The following ZSCAN25 variants were observed in gnomAD, a reference collection of about 807,000 sequenced individuals.
ZSCAN25 encodes zinc finger and SCAN domain-containing protein 25.
ZSCAN25 carries 27 observed loss-of-function variants against 38.7 expected under a neutral mutation model. The observed-to-expected ratio is 0.70, with a 90% CI of 0.51 to 0.96. The LOEUF (loss-of-function observed/expected upper bound fraction) is 0.96, where lower values mean the gene tolerates loss of function less well. ZSCAN25 is among the 40% of genes least tolerant of loss of function. The pLI is 0.00. For synonymous variants in ZSCAN25, 273 were observed against 277.7 expected (o/e 0.98, Z 0.17); for missense variants, 637 against 705.9 (o/e 0.90, Z 1.11).
chr7:99,656,022 C>G, the ZSCAN25 span, among the ~76,000 whole-genome samples: 1 of 152,210 alleles, frequency 6.6e-6, no homozygotes, highest in Non-Finnish European at 1.5e-5. Flanking sequence ...ATGTCATCTG[C>G]AAACAGGGAC....
chr7:99,714,368 C>T, the ZSCAN25 span, among the ~76,000 whole-genome samples: 1 of 152,140 alleles, frequency 6.6e-6, no homozygotes, highest in South Asian at 2.1e-4. Flanking sequence ...CTGACTCATT[C>T]TCATATCTCC....
intron 7 of ZSCAN25, among the ~76,000 whole-genome samples, chr7:99,625,454 T>C (rs757448514): frequency 6.6e-6 from 1 of 152,140 alleles, no homozygotes; most frequent in Non-Finnish European, 1.5e-5. Context: ...GCCATGTGCA[T>C]GTAATAGTGG....
chr7:99,666,492 G>C, the ZSCAN25 span: 1 of 1,225,486 alleles, frequency 8.2e-7, no homozygotes, highest in South Asian at 1.2e-5. Flanking sequence ...GCGCTGCCCT[G>C]CTTTTGTCTG....
At chr7:99,704,818 C>T in the ZSCAN25 span, among the ~76,000 whole-genome samples, 2 of 151,956 alleles carry the variant, frequency 1.3e-5, no homozygotes, top group Admixed American at 6.5e-5. Flanking sequence ...AAAAATTAGC[C>T]GGGCGTGGTG....
the ZSCAN25 span, among the ~76,000 whole-genome samples, chr7:99,692,500 G>T: frequency 6.6e-6 from 1 of 152,086 alleles, no homozygotes; most frequent in African/African-American, 2.4e-5. Context: ...TTTCTGACTT[G>T]GTTCCATTCT....
the ZSCAN25 span, chr7:99,730,973 C>T: frequency 2.6e-6 from 4 of 1,542,352 alleles, no homozygotes; most frequent in Non-Finnish European, 3.6e-6. Context: ...TCAGACCTTC[C>T]TCTTGAGGAG....
the ZSCAN25 span, among the ~76,000 whole-genome samples, chr7:99,656,132 G>A: frequency 6.6e-6 from 1 of 152,222 alleles, no homozygotes; most frequent in African/African-American, 2.4e-5. Flanking sequence ...TAGGAGTGGT[G>A]AGAGAGGGCA....
the ZSCAN25 span, among the ~76,000 whole-genome samples, chr7:99,686,057 G>A: frequency 6.6e-5 from 10 of 152,256 alleles, no homozygotes; most frequent in South Asian, 2.1e-4. Context: ...GAACAGCTCC[G>A]GTCTACAGCT....
the ZSCAN25 span, among the ~76,000 whole-genome samples, chr7:99,654,446 G>A: frequency 6.6e-6 from 1 of 152,200 alleles, no homozygotes; most frequent in Non-Finnish European, 1.5e-5. Context: ...ATTCCATGGT[G>A]TATATGTGCC....
the ZSCAN25 span, chr7:99,707,948 A>G: frequency 1.2e-6 from 2 of 1,613,802 alleles, no homozygotes; most frequent in African/African-American, 1.3e-5. Flanking sequence ...GTAAGGATCT[A>G]TGTTGTCCTT....
chr7:99,624,125 C>G lies in ZSCAN25; in HGVS notation c.750C>G (p.Ala250=). The change falls in exon 7 of 8, where the codon GCC becomes GCG. Residue 250 remains alanine, a synonymous_variant. Transcript: ENST00000394152. ...AGGAGTGGAGGCATGTGACCCCAGC[C>G]CAGATAGACTGCTTTGGGGAGTATG... ...PEEEWRHVTP[A]QIDCFGEYVE... is the part of the protein sequence containing the mutation. The G allele has an allele frequency of 6.2e-7, 1 of 1,614,090 alleles. No individual in the cohort carries two copies. Among genetic ancestry groups the G allele is most frequent in the Non-Finnish European group, 8.5e-7 (1 of 1,180,004 alleles).
the ZSCAN25 span, chr7:99,652,607 G>A: frequency 6.2e-7 from 1 of 1,614,018 alleles, no homozygotes; most frequent in Non-Finnish European, 8.5e-7. Context: ...ATGGTGAAGA[G>A]CATAAGTTGG....
chr7:99,643,772 C>A, the ZSCAN25 span, among the ~76,000 whole-genome samples: 1 of 151,336 alleles, frequency 6.6e-6, no homozygotes, highest in Non-Finnish European at 1.5e-5. Context: ...TTGCATTGCT[C>A]CCCCCTCTCA....
At chr7:99,710,663 G>A in the ZSCAN25 span, 1 of 1,611,628 alleles carries the variant, frequency 6.2e-7, no homozygotes, top group Non-Finnish European at 8.5e-7. Context: ...ATTCTCCTGG[G>A]AAGTGGTGAG....
the ZSCAN25 span, among the ~76,000 whole-genome samples, chr7:99,675,141 A>T: frequency 6.6e-6 from 1 of 152,242 alleles, no homozygotes; most frequent in Non-Finnish European, 1.5e-5. Flanking sequence ...GTGAATGAGA[A>T]AGTAGACTTC....
the ZSCAN25 span, among the ~76,000 whole-genome samples, chr7:99,667,615 TC>T: frequency 6.6e-6 from 1 of 152,204 alleles, no homozygotes; most frequent in African/African-American, 2.4e-5. Flanking sequence ...AATTTTTTAT[TC>T]CATAAATAGA....
chr7:99,707,789 A>G, the ZSCAN25 span: 4 of 1,613,480 alleles, frequency 2.5e-6, no homozygotes, highest in African/African-American at 2.7e-5. Context: ...ATAAAACATT[A>G]TTAATGCAGA....
At chr7:99,712,265 C>G in the ZSCAN25 span, among the ~76,000 whole-genome samples, 1 of 152,254 alleles carries the variant, frequency 6.6e-6, no homozygotes, top group Non-Finnish European at 1.5e-5. Flanking sequence ...CTGTGATTTA[C>G]CAGTGAAGAT....
At chr7:99,697,815 A>G in the ZSCAN25 span, among the ~76,000 whole-genome samples, 1 of 152,216 alleles carries the variant, frequency 6.6e-6, no homozygotes, top group Admixed American at 6.5e-5. Context: ...TGTGTGCACC[A>G]TCTACTGAAA....
Sources: allele counts gnomAD v4.1 joint callset (sites outside exome capture counted in the v4.1 genomes callset), GRCh38; gene constraint gnomAD v4.1.1; transcripts MANE v1.5; gene names NCBI Gene and HGNC (gene_info 2026-07-23, HGNC 2026-07-21).